The following ROS1 variants were observed in gnomAD, a reference collection of about 807,000 sequenced individuals.
ROS1 encodes the protein proto-oncogene tyrosine-protein kinase ROS.
ROS1 carries 263 observed loss-of-function variants against 273.5 expected under a neutral mutation model. The ratio of observed to expected loss-of-function variants is 0.96; its 90% CI spans 0.87 to 1.06. The LOEUF (loss-of-function observed/expected upper bound fraction) is 1.06, where lower values mean the gene tolerates loss of function less well. Ranked by LOEUF, ROS1 falls within the 50% of genes least tolerant of loss-of-function variation. The probability of loss-of-function intolerance (pLI) is 0.00; values close to 1 mark genes in which losing one functional copy is unlikely to be tolerated. For synonymous variants in ROS1, 1,008 were observed against 954.1 expected (o/e 1.06, Z -1.04); for missense variants, 2,833 against 2,751.1 (o/e 1.03, Z -0.67).
intron 7 of ROS1, among the ~76,000 whole-genome samples, chr6:117,401,588 T>C (rs1350288364): frequency 6.6e-6 from 1 of 151,326 alleles, no homozygotes; most frequent in Admixed American, 6.6e-5. Context: ...GGTCTTCCCA[T>C]AACCCAGAAA....
intron 14 of ROS1, 76 bp downstream of exon 14, chr6:117,387,704 G>A: frequency 1.4e-6 from 2 of 1,480,664 alleles, no homozygotes; most frequent in South Asian, 1.3e-5. Context: ...TAAACCCAAG[G>A]CAAGGAAATT....
chr6:117,408,129 A>T (rs1188223994), intron 5 of ROS1, among the ~76,000 whole-genome samples: 3 of 151,854 alleles, frequency 2.0e-5, no homozygotes, highest in South Asian at 4.2e-4. Context: ...AACCTAGGCA[A>T]TACCATTCAG....
In ROS1 at chr6:117,394,286, G is replaced by A. The variant is rs780553416; in HGVS notation, c.1067C>T (p.Ala356Val). 2.5e-5 allele frequency: 41 copies of A among 1,609,194 alleles called. No homozygotes were observed. The highest frequency in any genetic ancestry group is 5.6e-5 in the South Asian group (5 of 90,082). ...ATCAGACATGTTGGCAGCCTTCTTCGCCCATATGAGAGTTCCTTCAGAGAA... is the reference window on the plus strand; with the variant it reads ...ATCAGACATGTTGGCAGCCTTCTTCACCCATATGAGAGTTCCTTCAGAGAA... ...VYFSEGTLIW[A>V]KKAANMSDVS... Residue 356 changes from alanine to valine, a missense_variant, in exon 11 of 44, where the codon GCG becomes GTG. By Grantham distance (64) the Ala-to-Val change is moderately conservative. Transcript: ENST00000368507.
At position 117,319,983 on chromosome 6, in the gene ROS1, C is replaced by G. The variant is rs1562267726; in HGVS notation, c.5807G>C (p.Arg1936Pro). 6.2e-7 allele frequency: 1 copy of G among 1,613,344 alleles called. No homozygotes were observed. Among genetic ancestry groups the G allele is most frequent in the Non-Finnish European group, 8.5e-7 (1 of 1,179,582 alleles). Residue 1936 changes from arginine to proline, a missense_variant, in exon 37 of 44, where the codon CGG (arginine) becomes CCG (proline). Coordinates refer to ENST00000368507, the MANE Select transcript of ROS1 (RefSeq NM_001378902.1). Reference sequence around the variant, plus strand: ...CAAGAGACGCAGAGTCAGTTTTTCCCGAGGGAAGGCAGGAAGATTTTCAAT... The same window carrying G: ...CAAGAGACGCAGAGTCAGTTTTTCCGGAGGGAAGGCAGGAAGATTTTCAAT... ...EEIENLPAFP[R>P]EKLTLRLLLG...
chr6:117,300,299 C>T (rs897147172), intron 43 of ROS1, among the ~76,000 whole-genome samples: 1 of 151,664 alleles, frequency 6.6e-6, no homozygotes. Context: ...TAGAATCAGA[C>T]TAGATCTTAG....
chr6:117,294,669 A>C (rs1235324328), intron 43 of ROS1, among the ~76,000 whole-genome samples: 1 of 152,196 alleles, frequency 6.6e-6, no homozygotes, highest in African/African-American at 2.4e-5. Context: ...TACCAAAAAT[A>C]ATCTAGCTGA....
intron 21 of ROS1, among the ~76,000 whole-genome samples, chr6:117,363,350 A>G (rs1779962606): frequency 6.6e-6 from 1 of 152,196 alleles, no homozygotes; most frequent in African/African-American, 2.4e-5. Context: ...GTTCCTAGAA[A>G]GCAGAAAGTT....
chr6:117,344,303 T>C (rs1215032522), intron 27 of ROS1, 41 bp from the exon 28 acceptor site: 13 of 1,383,598 alleles, frequency 9.4e-6, no homozygotes, highest in East Asian at 2.5e-5. Flanking sequence ...ATCTATACTA[T>C]ATATATGAGA....
chr6:117,352,821 A>T (rs1778982615), intron 27 of ROS1, among the ~76,000 whole-genome samples, 169 bp downstream of exon 27: 2 of 152,222 alleles, frequency 1.3e-5, no homozygotes, highest in South Asian at 4.1e-4. Flanking sequence ...GTAATTTGTG[A>T]TCCAGGGCAA....
At chr6:117,298,972 T>A (rs997806591) in intron 43 of ROS1, among the ~76,000 whole-genome samples, 2 of 147,378 alleles carry the variant, frequency 1.4e-5, no homozygotes, top group African/African-American at 5.1e-5. Context: ...GTTTGCCTAA[T>A]CCTATGTGAT....
At position 117,385,879 on chromosome 6, in the gene ROS1, G is replaced by C; in HGVS notation, c.2111-18C>G. ...ATCCATGTCTCAAAATAAAGTGAATGATTAGCAGTTATTTTTCATACATAC... is the reference window on the plus strand; with the variant it reads ...ATCCATGTCTCAAAATAAAGTGAATCATTAGCAGTTATTTTTCATACATAC... On this transcript the variant is annotated intron_variant, in intron 15 of 43. Transcript: ENST00000368507. The C allele has an allele frequency of 6.2e-7, 1 of 1,607,620 alleles. No individual in the cohort carries two copies. Among genetic ancestry groups the C allele is most frequent in the Admixed American group, 1.7e-5 (1 of 59,848 alleles).
intron 18 of ROS1, among the ~76,000 whole-genome samples, chr6:117,371,554 G>A (rs1004263742): frequency 4.6e-5 from 7 of 152,118 alleles, no homozygotes; most frequent in Non-Finnish European, 8.8e-5. Context: ...AATTTAAACC[G>A]AATACAGTTT....
intron 27 of ROS1, among the ~76,000 whole-genome samples, chr6:117,347,451 A>G (rs1162678170): frequency 1.3e-5 from 2 of 152,134 alleles, no homozygotes; most frequent in Non-Finnish European, 2.9e-5. Context: ...TATGAGTTCC[A>G]GGAGTCTTTT....
chr6:117,394,858 A>G lies in ROS1; in HGVS notation c.884-120T>C, dbSNP rs1372618783. ...ACTAGTGCTTGAAAGAGGCTGGTCA[A>G]ATTTTCTCTAATGGCACTGGAGAAT... On this transcript the variant is annotated intron_variant, in intron 9 of 43. Coordinates refer to ENST00000368507, the MANE Select transcript of ROS1 (RefSeq NM_001378902.1). 4 of 750,834 alleles carry G rather than the reference A, an allele frequency of 5.3e-6. No individual in the cohort carries two copies. The South Asian group carries it at 9.1e-5, about 17-fold the overall frequency. 46.5% of individuals were successfully genotyped at this position (750,834 alleles called of 1,614,324 possible).
At chr6:117,349,108 A>T (rs1313651124) in intron 27 of ROS1, among the ~76,000 whole-genome samples, 7 of 151,920 alleles carry the variant, frequency 4.6e-5, no homozygotes. Context: ...TGATGGTGTT[A>T]TTGAGTTCAT....
chr6:117,369,991 A>G (rs1454406180), intron 18 of ROS1, among the ~76,000 whole-genome samples: 1 of 152,118 alleles, frequency 6.6e-6, no homozygotes, highest in Non-Finnish European at 1.5e-5. Context: ...GTACATACGG[A>G]TGTGTATATG....
intron 11 of ROS1, 37 bp downstream of exon 11, chr6:117,394,125 T>C (rs888521107): frequency 7.3e-7 from 1 of 1,372,568 alleles, no homozygotes; most frequent in South Asian, 1.4e-5. Context: ...TCAGTATCAC[T>C]GTCTATCACT....
chr6:117,348,608 T>C (rs774209302), intron 27 of ROS1, among the ~76,000 whole-genome samples: 17 of 151,868 alleles, frequency 1.1e-4, no homozygotes, highest in Non-Finnish European at 1.8e-4. Flanking sequence ...CTTTTTATTT[T>C]TTCTTTTGTT....
intron 43 of ROS1, among the ~76,000 whole-genome samples, chr6:117,290,698 CT>C (rs1285185689): frequency 5.3e-5 from 8 of 152,156 alleles, no homozygotes; most frequent in Non-Finnish European, 8.8e-5. Flanking sequence ...GATGAAGTCA[CT>C]GGGATATTTT....
Sources: allele counts gnomAD v4.1 joint callset (sites outside exome capture counted in the v4.1 genomes callset), GRCh38; gene constraint gnomAD v4.1.1; transcripts MANE v1.5; gene names NCBI Gene and HGNC (gene_info 2026-07-23, HGNC 2026-07-21).